The following SPAST variants were observed in gnomAD, a reference collection of about 807,000 sequenced individuals.
The protein encoded by SPAST is spastin.
A neutral mutation model predicts 76.6 loss-of-function variants in SPAST; 30 were observed. That is an observed-to-expected ratio of 0.39 (90% CI 0.29 to 0.53). SPAST has a LOEUF of 0.53. Ranked by LOEUF, SPAST falls within the 20% of genes least tolerant of loss-of-function variation. SPAST has a pLI of 0.68. For synonymous variants in SPAST, 305 were observed against 281.0 expected (o/e 1.09, Z -0.86); for missense variants, 717 against 770.5 (o/e 0.93, Z 0.82).
intron 7 of SPAST, among the ~76,000 whole-genome samples, chr2:32,123,122 C>T (rs1679071874): frequency 1.3e-5 from 2 of 152,002 alleles, no homozygotes; most frequent in South Asian, 4.2e-4. Context: ...ATTAGCTGGG[C>T]ATGGTGGCGG....
Position 32,063,727 on chromosome 2 carries a change from C to G in SPAST, c.-105C>G. ...GCGGAGCTCCTGAGACCGGCGGGCA[C>G]ACGGGGGTCTGTGGCCCCCGCCGTA... is the stretch of plus-strand genomic sequence containing the variant. On this transcript the variant is annotated 5_prime_UTR_variant, in exon 1 of 17. Transcript: ENST00000315285. The G allele has an allele frequency of 6.9e-7, 1 of 1,445,324 alleles. No individual in the cohort carries two copies. The highest frequency in any genetic ancestry group is 2.4e-4 in the Middle Eastern group (1 of 4,102). The allele number at this position is 1,445,324 out of a possible 1,614,324, so 89.5% of individuals were successfully genotyped here. A position where few individuals can be genotyped will look rare whatever the true frequency, so the allele number is the denominator to read the frequency against.
intron 1 of SPAST, among the ~76,000 whole-genome samples, chr2:32,080,915 C>G (rs1456810486): frequency 6.6e-6 from 1 of 151,130 alleles, no homozygotes; most frequent in Non-Finnish European, 1.5e-5. Flanking sequence ...CTGCCTCAGC[C>G]TCCAGAGTAG....
At chr2:32,149,256 ATTT>A (rs59020104) in intron 16 of SPAST, among the ~76,000 whole-genome samples, 1 of 123,604 alleles carries the variant, frequency 8.1e-6, no homozygotes, top group Non-Finnish European at 1.6e-5. Context: ...CGCCCAGCTA[ATTT>A]TTTTTTTTTT....
intron 1 of SPAST, among the ~76,000 whole-genome samples, chr2:32,075,393 C>G (rs1451283468): frequency 3.5e-5 from 5 of 142,206 alleles, no homozygotes; most frequent in Non-Finnish European, 6.1e-5. Context: ...GCCACTGCAC[C>G]CCAGCCTGGG....
At chr2:32,067,121 G>A (rs1257300669) in intron 1 of SPAST, among the ~76,000 whole-genome samples, 3 of 152,084 alleles carry the variant, frequency 2.0e-5, no homozygotes, top group Admixed American at 6.6e-5. Flanking sequence ...GAGTGCAATG[G>A]TATGATCTTG....
intron 7 of SPAST, among the ~76,000 whole-genome samples, chr2:32,123,876 A>G (rs1298276698): frequency 6.6e-6 from 1 of 152,226 alleles, no homozygotes; most frequent in Non-Finnish European, 1.5e-5. Flanking sequence ...TAAATGGATC[A>G]TAGACCTAAA....
At chr2:32,105,671 CT>C (rs1678291932) in intron 4 of SPAST, among the ~76,000 whole-genome samples, 1 of 152,108 alleles carries the variant, frequency 6.6e-6, no homozygotes, top group African/African-American at 2.4e-5. Context: ...GTTAATTTTC[CT>C]TCTAACACTC....
intron 1 of SPAST, among the ~76,000 whole-genome samples, chr2:32,074,955 C>T (rs901380496): frequency 6.6e-6 from 1 of 152,080 alleles, no homozygotes; most frequent in Non-Finnish European, 1.5e-5. Context: ...TTAGTGCTTG[C>T]ACATAATAGG....
chr2:32,081,509 C>T (rs1288636703), intron 1 of SPAST, among the ~76,000 whole-genome samples: 2 of 152,072 alleles, frequency 1.3e-5, no homozygotes, highest in Non-Finnish European at 2.9e-5. Flanking sequence ...CATGAGTCCA[C>T]TGAAAGCTTT....
chr2:32,112,346 C>CT (rs11434154), intron 4 of SPAST, among the ~76,000 whole-genome samples: 39,625 of 132,792 alleles, frequency 0.3, 6,377 homozygotes, highest in East Asian at 0.54. Context: ...CTGAATGTGG[C>CT]TTTTTTTTTT....
chr2:32,095,250 A>G (rs1677874480), intron 3 of SPAST, among the ~76,000 whole-genome samples: 1 of 152,220 alleles, frequency 6.6e-6, no homozygotes, highest in African/African-American at 2.4e-5. Flanking sequence ...TATGGATCTC[A>G]TAATACAGTA....
chr2:32,069,903 T>A (rs1232199161), intron 1 of SPAST, among the ~76,000 whole-genome samples: 2 of 151,972 alleles, frequency 1.3e-5, no homozygotes, highest in African/African-American at 4.8e-5. Flanking sequence ...TTTGATTCAG[T>A]GAAATGGCAT....
At chr2:32,110,020 T>C (rs1347573448) in intron 4 of SPAST, among the ~76,000 whole-genome samples, 1 of 148,726 alleles carries the variant, frequency 6.7e-6, no homozygotes, top group Non-Finnish European at 1.5e-5. Context: ...ACTATGTATA[T>C]ATAGCTGTAA....
intron 9 of SPAST, chr2:32,130,423 A>T (rs922896853): frequency 1.3e-5 from 2 of 152,244 alleles, no homozygotes; most frequent in African/African-American, 4.8e-5. Context: ...TGTTGCACCG[A>T]AATCCAGAGG....
intron 7 of SPAST, among the ~76,000 whole-genome samples, chr2:32,126,031 G>T (rs1314869662): frequency 6.6e-6 from 1 of 151,992 alleles, no homozygotes; most frequent in African/African-American, 2.4e-5. Context: ...TCCTGACCTC[G>T]TGATCCGCCC....
intron 1 of SPAST, among the ~76,000 whole-genome samples, chr2:32,070,110 C>T (rs569799500): frequency 6.1e-5 from 9 of 148,712 alleles, no homozygotes; most frequent in African/African-American, 2.0e-4. Context: ...CTGTCACCCA[C>T]GCTGGAGTGC....
Position 32,110,127 on chromosome 2 carries a change from T to G in SPAST, c.683-4511T>G, listed in dbSNP as rs1156635160. 4.1e-4 allele frequency among the ~76,000 whole-genome samples: 60 copies of G among 146,816 alleles called. No homozygotes were observed. In the East Asian group the frequency reaches 6.1e-3, roughly 15 times the overall value. On this transcript the variant is annotated intron_variant, in intron 4 of 16. Transcript: ENST00000315285. ...TTGTTTTTTTTTTTTGTTTTTTTTG[T>G]TTTTTTTTGGAGATGGAGTCTTGCC...
chr2:32,118,523 T>C (rs1678917189), intron 7 of SPAST, among the ~76,000 whole-genome samples: 1 of 152,188 alleles, frequency 6.6e-6, no homozygotes, highest in Non-Finnish European at 1.5e-5. Flanking sequence ...AACATTTTGC[T>C]GGAGTTATAT....
chr2:32,110,511 ATATATATACTATATAGTGTGTATATATAG>A (rs1678516086), intron 4 of SPAST, among the ~76,000 whole-genome samples: 1 of 52,982 alleles, frequency 1.9e-5, no homozygotes, highest in East Asian at 1.2e-3. Flanking sequence ...TATATATAGT[ATATATATACTATATAGTGTGTATATATAG>A]TATATATATA....
Sources: gnomAD v4.1 joint callset for allele counts (sites outside exome capture counted in the v4.1 genomes callset) on GRCh38, gnomAD v4.1.1 for gene constraint, MANE v1.5 for transcripts, NCBI Gene and HGNC (gene_info 2026-07-23, HGNC 2026-07-21) for gene names.